Variants in DOCK10 observed in about 807,000 individuals in gnomAD.
DOCK10 encodes the protein dedicator of cytokinesis protein 10.
DOCK10 carries 145 observed loss-of-function variants against 280.1 expected under a neutral mutation model. The ratio of observed to expected loss-of-function variants is 0.52; its 90% CI spans 0.45 to 0.59. The LOEUF (loss-of-function observed/expected upper bound fraction) is 0.59, where lower values mean the gene tolerates loss of function less well. Ranked by LOEUF, DOCK10 falls within the 20% of genes least tolerant of loss-of-function variation. DOCK10 has a pLI of 0.00. For synonymous variants in DOCK10, 915 were observed against 942.2 expected (o/e 0.97, Z 0.53); for missense variants, 2,368 against 2,651.7 (o/e 0.89, Z 2.35).
At chr2:224,768,630 A>G (rs140056750) in intron 55 of DOCK10, among the ~76,000 whole-genome samples, 343 of 152,326 alleles carry the variant, frequency 2.3e-3, no homozygotes, top group African/African-American at 7.9e-3. Flanking sequence ...GCTCAAATAT[A>G]CTTTAGAAGT....
At chr2:224,910,534 A>G (rs890347821) in intron 3 of DOCK10, among the ~76,000 whole-genome samples, 1 of 152,188 alleles carries the variant, frequency 6.6e-6, no homozygotes, top group Admixed American at 6.5e-5. Flanking sequence ...TTTCTATGAC[A>G]TAGTTTCCTT....
At chr2:224,854,138 A>G (rs996697787) in intron 16 of DOCK10, among the ~76,000 whole-genome samples, 4 of 152,190 alleles carry the variant, frequency 2.6e-5, no homozygotes, top group African/African-American at 9.6e-5. Context: ...AAGGATGGAA[A>G]ACTTAATACT....
intron 30 of DOCK10, among the ~76,000 whole-genome samples, chr2:224,814,811 C>A (rs1284125529): frequency 6.6e-6 from 1 of 152,136 alleles, no homozygotes; most frequent in Non-Finnish European, 1.5e-5. Context: ...CATGAGCCAC[C>A]ACCCTCAGCC....
intron 39 of DOCK10, among the ~76,000 whole-genome samples, chr2:224,802,544 G>A (rs1350635219): frequency 1.3e-5 from 2 of 152,160 alleles, no homozygotes; most frequent in African/African-American, 4.8e-5. Context: ...ACAGGGGGCT[G>A]ACATGTGATG....
intron 14 of DOCK10, among the ~76,000 whole-genome samples, chr2:224,859,962 TG>T (rs1697392642): frequency 6.6e-6 from 1 of 152,212 alleles, no homozygotes; most frequent in Non-Finnish European, 1.5e-5. Flanking sequence ...TGGTCTGACA[TG>T]GTATCTTTAG....
At chr2:224,904,185 TA>T (rs1468923301) in intron 3 of DOCK10, among the ~76,000 whole-genome samples, 1 of 152,190 alleles carries the variant, frequency 6.6e-6, no homozygotes, top group Non-Finnish European at 1.5e-5. Flanking sequence ...ATTACATTTT[TA>T]AAGTCATTAA....
chr2:224,905,231 A>T (rs922602719), intron 3 of DOCK10, among the ~76,000 whole-genome samples: 2 of 147,420 alleles, frequency 1.4e-5, no homozygotes, highest in South Asian at 4.2e-4. Context: ...GGCCTATGGA[A>T]CTATTTTTTT....
At chr2:224,846,438 A>G (rs534571175) in intron 19 of DOCK10, among the ~76,000 whole-genome samples, 31 of 150,674 alleles carry the variant, frequency 2.1e-4, no homozygotes, top group African/African-American at 7.3e-4. Context: ...AGGGTCTTGC[A>G]TTTGTTGCCC....
At position 224,816,643 on chromosome 2, in the gene DOCK10, A is replaced by G; in HGVS notation, c.3338T>C (p.Leu1113Pro). The G allele has an allele frequency of 6.2e-7, 1 of 1,606,806 alleles. No individual in the cohort carries two copies. The highest frequency in any genetic ancestry group is 8.5e-7 in the Non-Finnish European group (1 of 1,175,286). Residue 1113 changes from leucine (L) to proline (P), a missense_variant, in exon 30 of 56, where the codon CTG becomes CCG. By Grantham distance (98) the Leu-to-Pro change is moderately conservative. Around this residue, in one of 2 missense-constraint regions of DOCK10, gnomAD observed 1,159 missense variants for 1,400.8 expected, o/e 0.83. Transcript: ENST00000258390. ...TGGAATGTTTGCTGATCTTATGGGCAGACACAAAGGGATAAAGTGTTCATG... is the reference window on the plus strand; with the variant it reads ...TGGAATGTTTGCTGATCTTATGGGCGGACACAAAGGGATAAAGTGTTCATG... The part of the protein sequence containing the change: ...CQHEHFIPLC[L>P]PIRSANIPDP...
At chr2:224,835,268 A>G (rs1377181516) in intron 25 of DOCK10, among the ~76,000 whole-genome samples, 1 of 152,210 alleles carries the variant, frequency 6.6e-6, no homozygotes, top group Non-Finnish European at 1.5e-5. Context: ...GTCATCATCA[A>G]TGAGCTCATG....
At chr2:224,832,871 G>A (rs980972913) in intron 26 of DOCK10, among the ~76,000 whole-genome samples, 1 of 152,106 alleles carries the variant, frequency 6.6e-6, no homozygotes, top group African/African-American at 2.4e-5. Flanking sequence ...CACGTCTGAT[G>A]ACAGATGAAG....
At chr2:224,886,353 G>T in intron 5 of DOCK10, 106 bp downstream of exon 5, 1 of 1,430,168 alleles carries the variant, frequency 7.0e-7, no homozygotes. Flanking sequence ...ACCACCAACA[G>T]CTACTACAGC....
In DOCK10 at chr2:224,765,733, A is replaced by C; in HGVS notation, c.6549T>G (p.Ser2183Arg). Residue 2183 changes from serine to arginine, a missense_variant, in exon 56 of 56, where the codon AGT becomes AGG. Physicochemically the swap from Ser to Arg is moderately radical, Grantham distance 110. Around this residue, in one of 2 missense-constraint regions of DOCK10, gnomAD observed 1,159 missense variants for 1,400.8 expected, o/e 0.83. Coordinates refer to ENST00000258390, the MANE Select transcript of DOCK10 (RefSeq NM_014689.3). ...PALPTVSISS[S>R]AEV is the part of the protein sequence containing the mutation. ...TGCTGCAGAGCCCTCAGACTTCAGC[A>C]CTAGATGAGATGGAGACCGTGGGTA... 3.1e-6 allele frequency: 5 copies of C among 1,613,342 alleles called. No homozygotes were observed. The highest frequency in any genetic ancestry group is 3.4e-6 in the Non-Finnish European group (4 of 1,179,376).
rs750437368 is a variant in DOCK10 at position 224,807,721 on chromosome 2, G to C, written c.3649C>G (p.Pro1217Ala). 6.4e-7 allele frequency: 1 copy of C among 1,573,796 alleles called. No individual in the cohort carries two copies. The highest frequency in any genetic ancestry group is 8.6e-7 in the Non-Finnish European group (1 of 1,158,024). The change falls in exon 33 of 56, where the codon CCA (proline) becomes GCA (alanine). Residue 1217 changes from proline (P) to alanine (A), a missense_variant. Coordinates refer to ENST00000258390, the MANE Select transcript of DOCK10 (RefSeq NM_014689.3). ...TACAGGTCCTTCAGATAAATCCTTG[G>C]CATATTGTCCAGGAGCATGCCGTAC... ...PLYGMLLDNM[P>A]RIYLKDLYPF...
In DOCK10 at chr2:224,829,736, A is replaced by G. The variant is rs1426872675; in HGVS notation, c.3036+805T>C. Among the ~76,000 whole-genome samples, 4 of 152,200 alleles carry G rather than the reference A, an allele frequency of 2.6e-5. No individual in the cohort carries two copies. The East Asian group carries it at 7.7e-4, about 29-fold the overall frequency. The stretch of plus-strand genomic sequence containing the variant: ...TTTGGGTCATATCACCAGGTGAGTC[A>G]CCAAGACCTTCGGAGCTGCTAGTTA... On this transcript the variant is annotated intron_variant, in intron 27 of 55. Coordinates refer to ENST00000258390, the MANE Select transcript of DOCK10 (RefSeq NM_014689.3).
chr2:224,777,741 A>G (rs1015674668), intron 51 of DOCK10, among the ~76,000 whole-genome samples: 12 of 152,192 alleles, frequency 7.9e-5, no homozygotes, highest in Non-Finnish European at 1.3e-4. Context: ...TTTCATATAT[A>G]CATCTATTCT....
At chr2:224,955,055 A>G (rs1272063337) in intron 1 of DOCK10, among the ~76,000 whole-genome samples, 2 of 152,108 alleles carry the variant, frequency 1.3e-5, no homozygotes, top group East Asian at 1.9e-4. Context: ...CTTGGAGCCT[A>G]CTCCAGCTTC....
At chr2:224,853,966 T>A (rs1199435454) in intron 16 of DOCK10, among the ~76,000 whole-genome samples, 1 of 152,240 alleles carries the variant, frequency 6.6e-6, no homozygotes, top group Non-Finnish European at 1.5e-5. Context: ...AAGAGAATAT[T>A]GAGTGCCTCA....
At chr2:224,973,039 A>G (rs1705187144) in intron 1 of DOCK10, among the ~76,000 whole-genome samples, 1 of 152,250 alleles carries the variant, frequency 6.6e-6, no homozygotes, top group Non-Finnish European at 1.5e-5. Flanking sequence ...GTTTCTGCTT[A>G]ACAGATTCTT....
Sources: gnomAD v4.1 joint callset for allele counts (sites outside exome capture counted in the v4.1 genomes callset) on GRCh38, gnomAD v4.1.1 for gene constraint, gnomAD v4.1.1 regional missense constraint, MANE v1.5 for transcripts, NCBI Gene and HGNC (gene_info 2026-07-23, HGNC 2026-07-21) for gene names.